Variants in LRP1B observed in about 807,000 individuals in gnomAD.
LRP1B encodes the protein LDL receptor related protein 1B.
Under a neutral mutation model 556.6 loss-of-function variants are expected in LRP1B, and 217 were observed. That is an observed-to-expected ratio of 0.39 (90% CI 0.35 to 0.44). The LOEUF is 0.44. LRP1B is among the 20% of genes least tolerant of loss of function. The probability of loss-of-function intolerance (pLI) is 1.00; values close to 1 mark genes in which losing one functional copy is unlikely to be tolerated. For missense variants in LRP1B, 5,053 were observed against 5,620.8 expected (o/e 0.90, Z 3.23); for synonymous variants, 2,047 against 1,865.8 (o/e 1.10, Z -2.50).
intron 3 of LRP1B, among the ~76,000 whole-genome samples, chr2:141,362,856 T>C (rs1168975825): frequency 6.6e-6 from 1 of 152,058 alleles, no homozygotes; most frequent in African/African-American, 2.4e-5. Context: ...ATGTGTTTCA[T>C]CTTGGTATGT....
intron 3 of LRP1B, among the ~76,000 whole-genome samples, chr2:141,392,490 G>C (rs1335468310): frequency 7.2e-6 from 1 of 139,104 alleles, no homozygotes; most frequent in Non-Finnish European, 1.5e-5. Context: ...AAGAGAGACT[G>C]TCACTCACTA....
At chr2:141,689,351 C>T (rs958075654) in intron 2 of LRP1B, among the ~76,000 whole-genome samples, 52 of 151,756 alleles carry the variant, frequency 3.4e-4, no homozygotes, top group Non-Finnish European at 2.9e-5. Flanking sequence ...CCTCAAAACA[C>T]TATCCTGTGT....
chr2:142,129,492 A>G (rs534426482), intron 1 of LRP1B, among the ~76,000 whole-genome samples: 1 of 152,246 alleles, frequency 6.6e-6, no homozygotes, highest in African/African-American at 2.4e-5. Context: ...TTGTCAATTC[A>G]TAATCTGCTT....
At chr2:140,377,324 C>T (rs1683279336) in intron 68 of LRP1B, among the ~76,000 whole-genome samples, 1 of 152,252 alleles carries the variant, frequency 6.6e-6, no homozygotes, top group African/African-American at 2.4e-5. Flanking sequence ...ATCCACCCGC[C>T]TCGGCCTCCC....
At chr2:140,783,253 T>A (rs1219251919) in intron 32 of LRP1B, among the ~76,000 whole-genome samples, 1 of 152,128 alleles carries the variant, frequency 6.6e-6, no homozygotes, top group Non-Finnish European at 1.5e-5. Context: ...CCAGAATTGT[T>A]GAGATCCATG....
chr2:141,311,968 G>A (rs1302466116), intron 3 of LRP1B, among the ~76,000 whole-genome samples: 1 of 152,182 alleles, frequency 6.6e-6, no homozygotes, highest in Non-Finnish European at 1.5e-5. Context: ...GGAGGAGCAG[G>A]CTAGATGAAG....
intron 60 of LRP1B, among the ~76,000 whole-genome samples, chr2:140,462,520 C>T (rs1687366215): frequency 6.6e-6 from 1 of 152,176 alleles, no homozygotes; most frequent in Non-Finnish European, 1.5e-5. Context: ...TCAGCCACTG[C>T]TAAATCATTA....
Position 141,066,451 on chromosome 2 carries a change from A to C in LRP1B, c.1014-4178T>G, listed in dbSNP as rs189453624. On this transcript the variant is annotated intron_variant, in intron 7 of 90. Transcript: ENST00000389484. ...GACAGTGACAGAGCACTGTGCTTAC[A>C]GAGTTATGGCACCAATCATTTCTAT... Among the ~76,000 whole-genome samples the C allele has an allele frequency of 8.7e-4, 133 of 152,174 alleles. 1 individual carries two copies. Among genetic ancestry groups the C allele is most frequent in the Non-Finnish European group, 1.2e-3 (79 of 67,958 alleles).
intron 89 of LRP1B, among the ~76,000 whole-genome samples, chr2:140,235,921 CTAT>C (rs766077109): frequency 8.0e-5 from 12 of 150,872 alleles, no homozygotes; most frequent in Non-Finnish European, 1.5e-4. Context: ...TTTCAGAACT[CTAT>C]TATTTGTCTT....
chr2:141,462,393 A>C (rs1681911441), intron 3 of LRP1B, among the ~76,000 whole-genome samples: 1 of 152,142 alleles, frequency 6.6e-6, no homozygotes, highest in Non-Finnish European at 1.5e-5. Flanking sequence ...TTGTACAATA[A>C]GAACAGGTCA....
intron 3 of LRP1B, among the ~76,000 whole-genome samples, chr2:141,388,422 C>T (rs560532928): frequency 5.9e-5 from 9 of 151,698 alleles, no homozygotes; most frequent in African/African-American, 1.5e-4. Context: ...GGCGACAGTG[C>T]GAGACTTCTG....
intron 2 of LRP1B, among the ~76,000 whole-genome samples, chr2:141,653,343 G>A (rs1689870487): frequency 6.6e-6 from 1 of 152,114 alleles, no homozygotes; most frequent in African/African-American, 2.4e-5. Context: ...GGGAACTAGA[G>A]ACTGAACCAA....
intron 29 of LRP1B, among the ~76,000 whole-genome samples, chr2:140,848,524 G>T (rs946357578): frequency 6.6e-6 from 1 of 152,120 alleles, no homozygotes; most frequent in African/African-American, 2.4e-5. Flanking sequence ...TATTGAAAAG[G>T]ATAGTGAATA....
chr2:141,800,434 C>T (rs566680446), intron 2 of LRP1B, among the ~76,000 whole-genome samples: 1 of 152,304 alleles, frequency 6.6e-6, no homozygotes, highest in East Asian at 1.9e-4. Flanking sequence ...CACAAATCTC[C>T]TATTGCATCT....
chr2:141,912,253 T>A (rs182045340), intron 1 of LRP1B, among the ~76,000 whole-genome samples: 1 of 152,254 alleles, frequency 6.6e-6, no homozygotes, highest in East Asian at 1.9e-4. Context: ...TCTGGTATGG[T>A]GAAAGCTGGG....
rs1468002971 is a variant in LRP1B, at chr2:140,332,824, A to G, written c.12223+1629T>C. 2.6e-5 allele frequency among the ~76,000 whole-genome samples: 4 copies of G among 152,218 alleles called. No individual in the cohort carries two copies. In the East Asian group the frequency reaches 7.8e-4, roughly 30 times the overall value. On this transcript the variant is annotated intron_variant, in intron 79 of 90. Transcript: ENST00000389484. ...AATTCTCATTTTAGGCACTCGCCTA[A>G]GTACCGTGCTACAGGTAATTCCACA...
At chr2:140,558,952 A>C (rs1023616645) in intron 43 of LRP1B, among the ~76,000 whole-genome samples, 4 of 151,798 alleles carry the variant, frequency 2.6e-5, no homozygotes, top group African/African-American at 9.7e-5. Context: ...GAAAAAAAAA[A>C]AAAACAAACT....
intron 53 of LRP1B, among the ~76,000 whole-genome samples, chr2:140,504,575 TTGTC>T (rs1437601193): frequency 6.6e-6 from 1 of 152,202 alleles, no homozygotes; most frequent in African/African-American, 2.4e-5. Context: ...CTTTATGTGA[TTGTC>T]TGATTAACAC....
rs185071743 is a variant in LRP1B, at chr2:140,421,384, T to C, written c.10414+21120A>G. Among the ~76,000 whole-genome samples the C allele has an allele frequency of 1.8e-3, 273 of 152,352 alleles. 2 individuals are homozygous for C. Among genetic ancestry groups the C allele is most frequent in the Admixed American group, 2.6e-3 (40 of 15,296 alleles). On this transcript the variant is annotated intron_variant, in intron 66 of 90. Transcript: ENST00000389484. ...TGATGCTATGATTTTGTGCAAACTA[T>C]ATAATATTGGCCGGAAGATTTATAC...
Sources: allele counts gnomAD v4.1 joint callset (sites outside exome capture counted in the v4.1 genomes callset), GRCh38; gene constraint gnomAD v4.1.1; transcripts MANE v1.5; gene names NCBI Gene and HGNC (gene_info 2026-07-23, HGNC 2026-07-21).